Variants in CYP7B1 observed in about 807,000 individuals in gnomAD.
CYP7B1 encodes the protein cytochrome P450 7B1.
In CYP7B1, 29 loss-of-function variants were observed where a neutral mutation model predicts 42.7. That is an observed-to-expected ratio of 0.68 (90% CI 0.51 to 0.93). The LOEUF is 0.93. CYP7B1 is among the 40% of genes least tolerant of loss of function. CYP7B1 has a pLI of 0.00. For missense variants in CYP7B1, 655 were observed against 600.5 expected (o/e 1.09, Z -0.95); for synonymous variants, 235 against 218.2 (o/e 1.08, Z -0.68).
downstream of CYP7B1, chr8:64,587,697 T>A (rs139764425): frequency 1.4e-4 from 22 of 152,380 alleles, 1 homozygote; most frequent in African/African-American, 5.0e-4. Flanking sequence ...TCTTAACTAT[T>A]GCAAAATTAT....
chr8:64,638,274 T>A (rs1477877373), intron 1 of CYP7B1, among the ~76,000 whole-genome samples: 7 of 152,084 alleles, frequency 4.6e-5, no homozygotes. Context: ...GCAATAAGGC[T>A]GTGTGTGTGT....
chr8:64,797,275 T>C (rs573410068), intron 1 of CYP7B1, among the ~76,000 whole-genome samples: 14 of 152,278 alleles, frequency 9.2e-5, no homozygotes, highest in African/African-American at 3.1e-4. Context: ...AAAGTGGGAA[T>C]AGAACCAACA....
intron 1 of CYP7B1, chr8:64,703,996 G>A (rs1010476898): frequency 6.6e-6 from 1 of 152,030 alleles, no homozygotes; most frequent in Non-Finnish European, 1.5e-5. Context: ...TTTCTTCAGG[G>A]TTATCCTTTT....
chr8:64,778,121 C>CTACACCATAT (rs1464621303), intron 1 of CYP7B1, among the ~76,000 whole-genome samples: 2 of 147,652 alleles, frequency 1.4e-5, no homozygotes, highest in African/African-American at 5.0e-5. Context: ...GCATGATGCT[C>CTACACCATAT]TACACCATAT....
intron 1 of CYP7B1, among the ~76,000 whole-genome samples, chr8:64,727,058 G>T (rs1299960874): frequency 6.6e-6 from 1 of 152,066 alleles, no homozygotes; most frequent in African/African-American, 2.4e-5. Context: ...AGTGCTATAG[G>T]GTTAGACTGA....
chr8:64,789,089 G>GT (rs767763190), intron 1 of CYP7B1, among the ~76,000 whole-genome samples: 5 of 151,902 alleles, frequency 3.3e-5, no homozygotes, highest in South Asian at 2.1e-4. Flanking sequence ...CCCAGCTAAC[G>GT]TTTTTTATTT....
intron 4 of CYP7B1, among the ~76,000 whole-genome samples, chr8:64,605,881 TCA>T (rs1297901177): frequency 1.3e-5 from 2 of 152,178 alleles, no homozygotes; most frequent in African/African-American, 2.4e-5. Flanking sequence ...GCCCCGTTTC[TCA>T]GTGTTCAGCA....
chr8:64,759,610 A>T (rs554225823), intron 1 of CYP7B1, among the ~76,000 whole-genome samples: 1 of 152,338 alleles, frequency 6.6e-6, no homozygotes, highest in Non-Finnish European at 1.5e-5. Context: ...TATGATATGA[A>T]TATGAACTGT....
intron 1 of CYP7B1, among the ~76,000 whole-genome samples, chr8:64,756,712 G>A (rs931345430): frequency 6.6e-6 from 1 of 152,164 alleles, no homozygotes. Flanking sequence ...GGACCTTAGG[G>A]ATCATAAAAT....
chr8:64,751,942 GTTTA>G (rs898305251), intron 1 of CYP7B1, among the ~76,000 whole-genome samples: 3 of 152,180 alleles, frequency 2.0e-5, no homozygotes, highest in African/African-American at 7.2e-5. Context: ...CACAATAAAA[GTTTA>G]TTTTTTTTCC....
At chr8:64,784,414 C>A (rs1163839640) in intron 1 of CYP7B1, among the ~76,000 whole-genome samples, 1 of 152,046 alleles carries the variant, frequency 6.6e-6, no homozygotes, top group African/African-American at 2.4e-5. Flanking sequence ...ATCCTTTTTG[C>A]CATTTAATAT....
intron 1 of CYP7B1, among the ~76,000 whole-genome samples, chr8:64,751,614 C>T (rs1807726743): frequency 6.6e-6 from 1 of 152,102 alleles, no homozygotes; most frequent in South Asian, 2.1e-4. Context: ...ACTAGAATTA[C>T]AATTGCTTAG....
intron 1 of CYP7B1, among the ~76,000 whole-genome samples, chr8:64,627,468 A>C (rs543078665): frequency 6.6e-6 from 1 of 152,228 alleles, no homozygotes; most frequent in Admixed American, 6.5e-5. Flanking sequence ...GTCTACTTAT[A>C]CTCTGTTTGG....
intron 2 of CYP7B1, among the ~76,000 whole-genome samples, chr8:64,620,370 AT>A (rs1341888698): frequency 1.3e-5 from 2 of 152,114 alleles, no homozygotes; most frequent in Non-Finnish European, 2.9e-5. Context: ...CCCCCCGCTT[AT>A]TAGGAAGATT....
chr8:64,764,377 T>G (rs1332165989), intron 1 of CYP7B1, among the ~76,000 whole-genome samples: 2 of 151,512 alleles, frequency 1.3e-5, no homozygotes, highest in African/African-American at 4.8e-5. Flanking sequence ...GTGAATTGAG[T>G]AAGTCAGAGG....
intron 1 of CYP7B1, among the ~76,000 whole-genome samples, chr8:64,730,750 T>TGCAC (rs1807395741): frequency 2.1e-5 from 1 of 47,524 alleles, no homozygotes; most frequent in East Asian, 5.4e-4. Flanking sequence ...AAGGACTGTC[T>TGCAC]GCACACACAC....
chr8:64,691,824 C>G (rs1385195122), intron 1 of CYP7B1, among the ~76,000 whole-genome samples: 4 of 152,152 alleles, frequency 2.6e-5, no homozygotes, highest in Non-Finnish European at 4.4e-5. Flanking sequence ...CCAGAGCAAG[C>G]CTCCTGCCTC....
intron 1 of CYP7B1, among the ~76,000 whole-genome samples, chr8:64,791,548 C>T (rs1804617961): frequency 6.6e-6 from 1 of 152,118 alleles, no homozygotes; most frequent in Admixed American, 6.5e-5. Context: ...GGCCCATGAC[C>T]TAGGTCTTGG....
At chr8:64,587,233 C>A (rs1418175522), downstream of CYP7B1, among the ~76,000 whole-genome samples, 1 of 151,972 alleles carries the variant, frequency 6.6e-6, no homozygotes, top group Non-Finnish European at 1.5e-5. Flanking sequence ...TTTTTGCTTG[C>A]GCAGTGCTCC....
Sources: gnomAD v4.1 joint callset for allele counts (sites outside exome capture counted in the v4.1 genomes callset) on GRCh38, gnomAD v4.1.1 for gene constraint, MANE v1.5 for transcripts, NCBI Gene and HGNC (gene_info 2026-07-23, HGNC 2026-07-21) for gene names.